The following ADAMTSL3 variants were observed in gnomAD, a reference collection of about 807,000 sequenced individuals.
ADAMTSL3 encodes ADAMTS-like protein 3.
In ADAMTSL3, 128 loss-of-function variants were observed where a neutral mutation model predicts 201.7. The observed-to-expected ratio is 0.63, with a 90% CI of 0.55 to 0.73. The LOEUF is 0.73. Among genes scored for constraint, ADAMTSL3 ranks in the 30% least tolerant of loss-of-function variants. ADAMTSL3 has a pLI of 0.00. For synonymous variants in ADAMTSL3, 738 were observed against 748.4 expected (o/e 0.99, Z 0.23); for missense variants, 1,990 against 2,119.6 (o/e 0.94, Z 1.20).
At chr15:83,826,817 A>G (rs542491350) in intron 6 of ADAMTSL3, among the ~76,000 whole-genome samples, 388 of 152,056 alleles carry the variant, frequency 2.6e-3, no homozygotes, top group African/African-American at 9.2e-3. Context: ...AGCTTCATCC[A>G]TGTCCCTACA....
At chr15:83,839,259 G>A (rs2064330339) in intron 7 of ADAMTSL3, among the ~76,000 whole-genome samples, 1 of 152,148 alleles carries the variant, frequency 6.6e-6, no homozygotes, top group African/African-American at 2.4e-5. Context: ...TTTCCCAAAT[G>A]GGGAAAGCAT....
intron 6 of ADAMTSL3, among the ~76,000 whole-genome samples, chr15:83,833,349 C>T (rs2141963865): frequency 6.6e-6 from 1 of 152,302 alleles, no homozygotes; most frequent in East Asian, 1.9e-4. Context: ...TTCATAGAGG[C>T]TGTGTCCTCA....
At chr15:83,759,182 C>T (rs2062767995) in intron 3 of ADAMTSL3, among the ~76,000 whole-genome samples, 1 of 151,830 alleles carries the variant, frequency 6.6e-6, no homozygotes, top group Admixed American at 6.6e-5. Flanking sequence ...CATGTGTACC[C>T]ATACCCAGAA....
chr15:83,684,942 A>C (rs559410036), intron 2 of ADAMTSL3, among the ~76,000 whole-genome samples: 1 of 152,320 alleles, frequency 6.6e-6, no homozygotes, highest in Admixed American at 6.5e-5. Context: ...AAAATATGGC[A>C]ACAATGTATA....
chr15:83,843,443 C>T (rs2064426217), intron 7 of ADAMTSL3, among the ~76,000 whole-genome samples: 1 of 152,150 alleles, frequency 6.6e-6, no homozygotes, highest in Non-Finnish European at 1.5e-5. Flanking sequence ...CAGTCCTTCA[C>T]CATCTTGATT....
chr15:84,016,816 AAT>A (rs2068094997), intron 25 of ADAMTSL3, among the ~76,000 whole-genome samples: 1 of 152,234 alleles, frequency 6.6e-6, no homozygotes, highest in East Asian at 1.9e-4. Flanking sequence ...AATAGATATT[AAT>A]AGTCTGCTAT....
intron 7 of ADAMTSL3, among the ~76,000 whole-genome samples, chr15:83,841,040 T>C (rs1384030153): frequency 6.6e-6 from 1 of 152,234 alleles, no homozygotes; most frequent in African/African-American, 2.4e-5. Context: ...TTTTTTTAAA[T>C]ACTGTGTTCT....
chr15:83,719,194 A>G (rs752416252), intron 3 of ADAMTSL3, among the ~76,000 whole-genome samples: 1 of 152,228 alleles, frequency 6.6e-6, no homozygotes, highest in East Asian at 1.9e-4. Context: ...CTACCTATTT[A>G]TGAGAATTAC....
At chr15:83,701,167 G>T (rs1168717466) in intron 2 of ADAMTSL3, among the ~76,000 whole-genome samples, 2 of 152,176 alleles carry the variant, frequency 1.3e-5, no homozygotes, top group African/African-American at 4.8e-5. Context: ...AGCAGGGGGA[G>T]TGAGGTATCC....
At chr15:83,659,110 G>A (rs1421400135) in intron 2 of ADAMTSL3, among the ~76,000 whole-genome samples, 1 of 152,128 alleles carries the variant, frequency 6.6e-6, no homozygotes. Flanking sequence ...GGCAAATTCT[G>A]TCCTCTCCCA....
At chr15:83,669,048 G>C (rs1169391632) in intron 2 of ADAMTSL3, among the ~76,000 whole-genome samples, 2 of 152,204 alleles carry the variant, frequency 1.3e-5, no homozygotes, top group Non-Finnish European at 2.9e-5. Context: ...GAGGCCAGAG[G>C]GCAGAGCAAA....
chr15:83,739,769 C>T, intron 3 of ADAMTSL3: 1 of 528,320 alleles, frequency 1.9e-6, no homozygotes. Flanking sequence ...CCAAGGAGCC[C>T]TAGAAGTCCC....
chr15:83,739,495 A>G (rs968236568), intron 3 of ADAMTSL3, among the ~76,000 whole-genome samples: 1 of 151,286 alleles, frequency 6.6e-6, no homozygotes, highest in Non-Finnish European at 1.5e-5. Context: ...CATTCAGCCT[A>G]TGTTTATAAG....
chr15:83,756,455 C>T (rs938459783), intron 3 of ADAMTSL3, among the ~76,000 whole-genome samples: 17 of 152,132 alleles, frequency 1.1e-4, no homozygotes, highest in Admixed American at 5.2e-4. Context: ...GAGACTTATT[C>T]GCTATAATGA....
chr15:83,681,753 G>A (rs982691850), intron 2 of ADAMTSL3, among the ~76,000 whole-genome samples: 1 of 152,140 alleles, frequency 6.6e-6, no homozygotes, highest in Non-Finnish European at 1.5e-5. Context: ...TCGGTGCATG[G>A]TAAGAGAAAG....
Position 83,913,436 on chromosome 15 carries a change from A to T in ADAMTSL3, c.1987+58A>T, listed in dbSNP as rs1040727402. On this transcript the variant is annotated intron_variant, in intron 16 of 29. Transcript: ENST00000286744. ...TTGTGTGTTGCTAGTGGTTTGAGAA[A>T]TTACTCAATCAGGTAAGCCAAATAT... 9 of 1,560,662 alleles carry T rather than the reference A, an allele frequency of 5.8e-6. No homozygotes were observed. In the Admixed American group the frequency reaches 1.6e-4, roughly 27 times the overall value.
chr15:83,927,351 T>A (rs745646992), intron 17 of ADAMTSL3, among the ~76,000 whole-genome samples: 7 of 151,946 alleles, frequency 4.6e-5, no homozygotes, highest in Admixed American at 2.6e-4. Context: ...TGACCTCGAG[T>A]GATCCGCCCA....
At position 83,988,825 on chromosome 15, in the gene ADAMTSL3, C is replaced by T; in HGVS notation, c.3844+7C>T. ...TCTTCTGTGCTGTATGCAGGTAATG[C>T]CCACTGTTGAAATCTAGAATGCCTG... is the stretch of plus-strand genomic sequence containing the variant. On this transcript the variant is annotated splice_region_variant and intron_variant, in intron 22 of 29. Coordinates refer to ENST00000286744, the MANE Select transcript of ADAMTSL3 (RefSeq NM_207517.3). 1.4e-6 allele frequency: 2 copies of T among 1,443,452 alleles called. No homozygotes were observed. Among genetic ancestry groups the T allele is most frequent in the Non-Finnish European group, 1.8e-6 (2 of 1,090,110 alleles). The allele number at this position is 1,443,452 out of a possible 1,614,324, so 89.4% of individuals were successfully genotyped here. A position where few individuals can be genotyped will look rare whatever the true frequency, so the allele number is the denominator to read the frequency against.
intron 15 of ADAMTSL3, among the ~76,000 whole-genome samples, chr15:83,905,845 G>A (rs891231961): frequency 5.9e-5 from 9 of 151,972 alleles, no homozygotes; most frequent in African/African-American, 2.2e-4. Context: ...GCCAGCAGCA[G>A]TACTCCAGCT....
Sources: gnomAD v4.1 joint callset for allele counts (sites outside exome capture counted in the v4.1 genomes callset) on GRCh38, gnomAD v4.1.1 for gene constraint, MANE v1.5 for transcripts, NCBI Gene and HGNC (gene_info 2026-07-23, HGNC 2026-07-21) for gene names.